THSD4: variants seen among roughly 807,000 people sequenced by gnomAD.
THSD4 encodes the protein thrombospondin type 1 domain containing 4.
THSD4 carries 69 observed loss-of-function variants against 119.0 expected under a neutral mutation model. The observed-to-expected ratio is 0.58, with a 90% CI of 0.48 to 0.71. The LOEUF is 0.71. Among genes scored for constraint, THSD4 ranks in the 30% least tolerant of loss-of-function variants. The pLI is 0.00. For missense variants in THSD4, 1,393 were observed against 1,391.1 expected, an observed-to-expected ratio of 1.00 and a Z score of -0.02; for synonymous variants, 524 against 540.4, an observed-to-expected ratio of 0.97 and a Z score of 0.42.
At chr15:71,306,660 AAG>A (rs1243808671) in intron 6 of THSD4, among the ~76,000 whole-genome samples, 9 of 152,334 alleles carry the variant, frequency 5.9e-5, no homozygotes, top group Admixed American at 5.9e-4. Context: ...TCCTGCTTGA[AAG>A]AGAATTCTGT....
intron 8 of THSD4, among the ~76,000 whole-genome samples, chr15:71,678,239 G>A (rs2051692315): frequency 6.6e-6 from 1 of 152,200 alleles, no homozygotes; most frequent in Admixed American, 6.5e-5. Flanking sequence ...ACTAATACAA[G>A]CTAAGCCCCA....
rs376497737 is a variant in THSD4, at chr15:71,377,867, A to AACACACACACACACACACAC, written c.1016-33792_1016-33773dup. On this transcript the variant is annotated intron_variant, in intron 6 of 17. Transcript: ENST00000261862. Reference sequence around the variant, plus strand: ...CTTCTCTATTCCCGGACATATCCACAACACACACACACACACACACACACA... The same window carrying AACACACACACACACACACAC: ...CTTCTCTATTCCCGGACATATCCACAACACACACACACACACACACACACACACACACACACACACACACA... Among the ~76,000 whole-genome samples, 211 of 86,312 alleles carry AACACACACACACACACACAC rather than the reference A, an allele frequency of 2.4e-3. 2 individuals carry two copies. Among genetic ancestry groups the AACACACACACACACACACAC allele is most frequent in the African/African-American group, 8.8e-3 (204 of 23,148 alleles). The allele number at this position is 86,312 out of a possible 152,430, so 56.6% of individuals were successfully genotyped here.
chr15:71,675,762 G>A lies in THSD4; in HGVS notation c.1357+15028G>A, dbSNP rs112536071. On this transcript the variant is annotated intron_variant, in intron 8 of 17. Coordinates refer to ENST00000261862, the MANE Select transcript of THSD4 (RefSeq NM_024817.3). Reference sequence around the variant, plus strand: ...CTGCCTGTGGTAAACAATTTGTGAGGGGTGGAGTCAGGACTTGAACCTGGG... The same window carrying A: ...CTGCCTGTGGTAAACAATTTGTGAGAGGTGGAGTCAGGACTTGAACCTGGG... 3.4e-3 allele frequency among the ~76,000 whole-genome samples: 519 copies of A among 152,246 alleles called. 3 individuals carry two copies. Among genetic ancestry groups the A allele is most frequent in the African/African-American group, 0.012 (487 of 41,536 alleles).
intron 6 of THSD4, among the ~76,000 whole-genome samples, chr15:71,338,360 A>T (rs2045514831): frequency 6.6e-6 from 1 of 150,846 alleles, no homozygotes; most frequent in South Asian, 2.1e-4. Flanking sequence ...GTAGCATGAT[A>T]AACACTCTTT....
At chr15:71,226,488 A>T (rs2044019241) in intron 4 of THSD4, among the ~76,000 whole-genome samples, 1 of 151,444 alleles carries the variant, frequency 6.6e-6, no homozygotes, top group African/African-American at 2.4e-5. Context: ...ACACATTCCC[A>T]CCTCCCCTGG....
rs184550157 is a variant in THSD4 at position 71,774,590 on chromosome 15, T to C, written c.2915-2642T>C. On this transcript the variant is annotated intron_variant, in intron 17 of 17. Coordinates refer to ENST00000261862, the MANE Select transcript of THSD4 (RefSeq NM_024817.3). ...CTTAATAATTTCACTTCTAGGAATA[T>C]ATACTAAAAATATGCTTTCAAAAAT... 3.6e-3 allele frequency among the ~76,000 whole-genome samples: 541 copies of C among 152,176 alleles called. 4 individuals are homozygous for C. Among genetic ancestry groups the C allele is most frequent in the African/African-American group, 0.012 (515 of 41,498 alleles).
chr15:71,754,152 G>A (rs1051117098), intron 14 of THSD4, among the ~76,000 whole-genome samples: 3 of 147,718 alleles, frequency 2.0e-5, no homozygotes, highest in Non-Finnish European at 4.4e-5. Context: ...CATGATTTCG[G>A]CTTACTGCAT....
At chr15:71,116,142 G>A (rs150257783) in intron 1 of THSD4, among the ~76,000 whole-genome samples, 1,552 of 152,250 alleles carry the variant, frequency 0.01, 15 homozygotes, top group Non-Finnish European at 0.016. Context: ...CCGAGAGCCG[G>A]GCAAGTCTCG....
intron 7 of THSD4, among the ~76,000 whole-genome samples, chr15:71,523,687 G>A (rs1296002811): frequency 1.3e-5 from 2 of 152,256 alleles, no homozygotes; most frequent in African/African-American, 4.8e-5. Context: ...GACCACAGCA[G>A]GAGCCATGGG....
chr15:71,735,160 A>C (rs371430870), intron 10 of THSD4, among the ~76,000 whole-genome samples: 1 of 152,174 alleles, frequency 6.6e-6, no homozygotes, highest in Non-Finnish European at 1.5e-5. Context: ...TAGACAAGCC[A>C]AAACATTGGC....
chr15:71,202,496 G>A (rs2043812127), intron 3 of THSD4, among the ~76,000 whole-genome samples: 1 of 152,140 alleles, frequency 6.6e-6, no homozygotes, highest in Admixed American at 6.5e-5. Context: ...GCCTGCAGAA[G>A]CCCAAAGTGG....
intron 6 of THSD4, among the ~76,000 whole-genome samples, chr15:71,258,496 C>G (rs2044348562): frequency 1.3e-5 from 2 of 152,042 alleles, no homozygotes; most frequent in East Asian, 3.9e-4. Context: ...GGTTTTGTAA[C>G]ATGTTAACAT....
intron 11 of THSD4, among the ~76,000 whole-genome samples, chr15:71,741,154 G>A (rs750542224): frequency 2.0e-5 from 3 of 152,094 alleles, no homozygotes; most frequent in African/African-American, 4.8e-5. Context: ...CTTTTCCCAT[G>A]TTCTGTCAAC....
chr15:71,312,386 AG>A (rs1361182374), intron 6 of THSD4, among the ~76,000 whole-genome samples: 1 of 152,040 alleles, frequency 6.6e-6, no homozygotes, highest in Non-Finnish European at 1.5e-5. Context: ...TGAGGCTGCC[AG>A]GGTGGGTCTT....
chr15:71,618,390 C>G (rs138400542), intron 7 of THSD4, among the ~76,000 whole-genome samples: 1 of 152,158 alleles, frequency 6.6e-6, no homozygotes, highest in South Asian at 2.1e-4. Context: ...GCATATGTGT[C>G]GACGTGGATA....
At chr15:71,437,147 C>G (rs11072284) in intron 7 of THSD4, among the ~76,000 whole-genome samples, 51,890 of 152,020 alleles carry the variant, frequency 0.34, 9,034 homozygotes, top group Middle Eastern at 0.47. Context: ...CATCACATAG[C>G]AAGAGCAGCA....
At chr15:71,626,482 A>G (rs2050513070) in intron 7 of THSD4, among the ~76,000 whole-genome samples, 1 of 152,182 alleles carries the variant, frequency 6.6e-6, no homozygotes, top group Non-Finnish European at 1.5e-5. Flanking sequence ...TCAGATTCAT[A>G]ATGTGCCCTT....
At chr15:71,199,834 GT>G in intron 3 of THSD4, among the ~76,000 whole-genome samples, 1 of 148,146 alleles carries the variant, frequency 6.8e-6, no homozygotes, top group African/African-American at 2.6e-5. Flanking sequence ...TGGGGTGTGT[GT>G]GTGTGTGCTG....
chr15:71,164,972 G>A (rs528457711), intron 3 of THSD4: 50 of 1,595,902 alleles, frequency 3.1e-5, no homozygotes, highest in East Asian at 2.0e-4. Context: ...CTTCAGCTTC[G>A]CAGCCTTCTT....
Sources: gnomAD v4.1 joint callset for allele counts (sites outside exome capture counted in the v4.1 genomes callset) on GRCh38, gnomAD v4.1.1 for gene constraint, MANE v1.5 for transcripts, NCBI Gene and HGNC (gene_info 2026-07-23, HGNC 2026-07-21) for gene names.